The following FILIP1L variants were observed in gnomAD, a reference collection of about 807,000 sequenced individuals.
FILIP1L encodes the protein filamin A interacting protein 1 like.
A neutral mutation model predicts 96.6 loss-of-function variants in FILIP1L; 55 were observed. The observed-to-expected ratio is 0.57, with a 90% CI of 0.46 to 0.71. The LOEUF (loss-of-function observed/expected upper bound fraction) is 0.71, where lower values mean the gene tolerates loss of function less well. Among genes scored for constraint, FILIP1L ranks in the 30% least tolerant of loss-of-function variants. The pLI is 0.00. For synonymous variants in FILIP1L, 467 were observed against 473.9 expected, an observed-to-expected ratio of 0.99 and a Z score of 0.19; for missense variants, 1,304 against 1,321.2, an observed-to-expected ratio of 0.99 and a Z score of 0.20.
chr3:100,024,747 G>A (rs2107240799), intron 1 of FILIP1L, among the ~76,000 whole-genome samples: 1 of 152,268 alleles, frequency 6.6e-6, no homozygotes, highest in Middle Eastern at 3.4e-3. Context: ...GATAGAATTG[G>A]TTAAGTGGAG....
At chr3:99,913,198 A>G (rs1220560214) in intron 4 of FILIP1L, among the ~76,000 whole-genome samples, 1 of 152,198 alleles carries the variant, frequency 6.6e-6, no homozygotes, top group East Asian at 1.9e-4. Flanking sequence ...GTTGTTTACA[A>G]GCCACCCAAT....
intron 1 of FILIP1L, among the ~76,000 whole-genome samples, chr3:100,105,756 A>G (rs1456737944): frequency 1.3e-5 from 2 of 152,210 alleles, no homozygotes; most frequent in Non-Finnish European, 2.9e-5. Context: ...TTTCCTTTTT[A>G]GAAGCCCATG....
At chr3:100,043,600 T>G (rs190983646) in intron 1 of FILIP1L, among the ~76,000 whole-genome samples, 5 of 152,314 alleles carry the variant, frequency 3.3e-5, no homozygotes, top group East Asian at 1.9e-4. Flanking sequence ...TTTGAGTCAG[T>G]TAGGACATGG....
intron 1 of FILIP1L, among the ~76,000 whole-genome samples, chr3:100,050,760 C>A (rs992131913): frequency 6.6e-6 from 1 of 152,124 alleles, no homozygotes; most frequent in Admixed American, 6.5e-5. Flanking sequence ...GAACTCCTGA[C>A]CTCAGGTGAT....
intron 1 of FILIP1L, among the ~76,000 whole-genome samples, chr3:99,968,359 C>A (rs1037768954): frequency 1.3e-4 from 20 of 151,648 alleles, no homozygotes; most frequent in Non-Finnish European, 1.0e-4. Flanking sequence ...AGATAAAGGA[C>A]CTGTTTTGCT....
intron 1 of FILIP1L, among the ~76,000 whole-genome samples, chr3:100,045,601 G>A (rs969140162): frequency 1.5e-4 from 23 of 152,068 alleles, no homozygotes; most frequent in African/African-American, 5.6e-4. Context: ...GGACCCAAAT[G>A]ATTTCTGAGG....
chr3:99,956,071 A>G (rs1241941171), intron 1 of FILIP1L, among the ~76,000 whole-genome samples: 1 of 152,192 alleles, frequency 6.6e-6, no homozygotes, highest in Non-Finnish European at 1.5e-5. Context: ...TTAAGTTTCC[A>G]GCTTCAAATG....
At chr3:100,092,093 A>T (rs546891464) in intron 1 of FILIP1L, among the ~76,000 whole-genome samples, 2 of 152,352 alleles carry the variant, frequency 1.3e-5, no homozygotes, top group East Asian at 3.9e-4. Context: ...GTCCTTAAAA[A>T]TGTACTCTGT....
intron 1 of FILIP1L, among the ~76,000 whole-genome samples, chr3:99,937,468 T>C (rs1707715337): frequency 6.6e-6 from 1 of 152,244 alleles, no homozygotes; most frequent in African/African-American, 2.4e-5. Context: ...CATGTCTTAA[T>C]AGAAAGAGTA....
rs71907944 is a variant in FILIP1L at position 100,062,093 on chromosome 3, C to CTTTTTTTT, written c.-11+51952_-11+51959dup. Among the ~76,000 whole-genome samples, 123 of 53,178 alleles carry CTTTTTTTT rather than the reference C, an allele frequency of 2.3e-3. 32 individuals are homozygous for CTTTTTTTT. The highest frequency in any genetic ancestry group is 8.4e-3 in the African/African-American group (94 of 11,244). The allele number at this position is 53,178 out of a possible 152,430, so 34.9% of individuals were successfully genotyped here. On this transcript the variant is annotated intron_variant, in intron 1 of 5. Coordinates refer to ENST00000477258, the MANE Select transcript of FILIP1L (RefSeq NM_001387850.1). ...CCACTTGTGGTTATCCTGTCTTCTT[C>CTTTTTTTT]TTTTTTTTTTTTTTTTTTTTTTTTT...
At chr3:99,904,637 T>C (rs1706552923) in intron 4 of FILIP1L, among the ~76,000 whole-genome samples, 2 of 152,178 alleles carry the variant, frequency 1.3e-5, no homozygotes, top group South Asian at 4.1e-4. Flanking sequence ...TTTTTACTTT[T>C]CTTTATGGCT....
At chr3:99,984,869 A>G (rs933782703) in intron 1 of FILIP1L, among the ~76,000 whole-genome samples, 10 of 152,232 alleles carry the variant, frequency 6.6e-5, no homozygotes, top group South Asian at 2.1e-4. Flanking sequence ...AAAGCACAGT[A>G]TATAGATATT....
chr3:99,967,918 A>G (rs1043089516), intron 1 of FILIP1L, among the ~76,000 whole-genome samples: 1 of 152,222 alleles, frequency 6.6e-6, no homozygotes, highest in Non-Finnish European at 1.5e-5. Flanking sequence ...ACAAATAGAT[A>G]AGTGCAACGG....
At chr3:99,839,758 A>G (rs1315166705) in intron 5 of FILIP1L, among the ~76,000 whole-genome samples, 2 of 152,236 alleles carry the variant, frequency 1.3e-5, no homozygotes, top group African/African-American at 4.8e-5. Context: ...CAGTCTGTCA[A>G]GTAAGTGGAA....
chr3:100,055,856 G>A (rs1273006142), intron 1 of FILIP1L, among the ~76,000 whole-genome samples: 1 of 151,936 alleles, frequency 6.6e-6, no homozygotes, highest in African/African-American at 2.4e-5. Flanking sequence ...CAATATGAAG[G>A]GTAGATATGA....
rs376021359 is a variant in FILIP1L at position 99,850,022 on chromosome 3, C to T, written c.1654G>A (p.Asp552Asn). ...ETKRALKSKT[D>N]VEEKMYSVTK... Reference sequence around the variant, plus strand: ...ACGCTGTACATCTTTTCTTCTACATCGGTTTTGGACTTGAGCGCCCTTTTA... The same window carrying T: ...ACGCTGTACATCTTTTCTTCTACATTGGTTTTGGACTTGAGCGCCCTTTTA... The change falls in exon 5 of 6, where the codon GAT becomes AAT. Residue 552 changes from aspartate to asparagine, a missense_variant. By Grantham distance (23) the Asp-to-Asn change is conservative. Coordinates refer to ENST00000477258, the MANE Select transcript of FILIP1L (RefSeq NM_001387850.1). The T allele has an allele frequency of 6.8e-6, 11 of 1,607,042 alleles. No individual in the cohort carries two copies. The highest frequency in any genetic ancestry group is 3.4e-5 in the Admixed American group (2 of 58,442).
rs745509650 is a variant in FILIP1L at position 99,910,735 on chromosome 3, C to T, written c.605+13495G>A. Among the ~76,000 whole-genome samples the T allele has an allele frequency of 5.5e-4, 46 of 83,958 alleles. 13 individuals carry two copies. The highest frequency in any genetic ancestry group is 1.4e-3 in the Non-Finnish European group (43 of 31,120). The allele number at this position is 83,958 out of a possible 152,430, so 55.1% of individuals were successfully genotyped here. On this transcript the variant is annotated intron_variant, in intron 4 of 5. Coordinates refer to ENST00000477258, the MANE Select transcript of FILIP1L (RefSeq NM_001387850.1). ...CAAATTCTTTGCCCAAATAGTTACC[C>T]ATACTCTTCTCAGAACCCTCATGCA...
At chr3:99,959,338 C>T (rs919540431) in intron 1 of FILIP1L, among the ~76,000 whole-genome samples, 2 of 152,076 alleles carry the variant, frequency 1.3e-5, no homozygotes, top group Non-Finnish European at 1.5e-5. Context: ...TTAGCAGAGG[C>T]GGGGTTTCGC....
chr3:99,913,065 C>G (rs907108245), intron 4 of FILIP1L, among the ~76,000 whole-genome samples: 2 of 152,254 alleles, frequency 1.3e-5, no homozygotes, highest in East Asian at 1.9e-4. Flanking sequence ...CACCCACTTT[C>G]CACCACGTGA....
Sources: allele counts gnomAD v4.1 joint callset (sites outside exome capture counted in the v4.1 genomes callset), GRCh38; gene constraint gnomAD v4.1.1; transcripts MANE v1.5; gene names NCBI Gene and HGNC (gene_info 2026-07-23, HGNC 2026-07-21).